SLC6A11: variants seen among roughly 807,000 people sequenced by gnomAD.
The protein encoded by SLC6A11 is sodium- and chloride-dependent GABA transporter 3.
A neutral mutation model predicts 74.8 loss-of-function variants in SLC6A11; 25 were observed. The ratio of observed to expected loss-of-function variants is 0.33; its 90% CI spans 0.24 to 0.47. The LOEUF (loss-of-function observed/expected upper bound fraction) is 0.47, where lower values mean the gene tolerates loss of function less well. SLC6A11 is among the 20% of genes least tolerant of loss of function. The probability of loss-of-function intolerance (pLI) is 1.00; values close to 1 mark genes in which losing one functional copy is unlikely to be tolerated. For synonymous variants in SLC6A11, 330 were observed against 330.2 expected, an observed-to-expected ratio of 1.00 and a Z score of 0.01; for missense variants, 574 against 837.0, an observed-to-expected ratio of 0.69 and a Z score of 3.88.
At chr3:10,831,426 G>C (rs1694295490) in intron 4 of SLC6A11, among the ~76,000 whole-genome samples, 1 of 152,132 alleles carries the variant, frequency 6.6e-6, no homozygotes, top group African/African-American at 2.4e-5. Flanking sequence ...TGCTAAAAAA[G>C]AATGAGGCAG....
At position 10,816,388 on chromosome 3, in the gene SLC6A11, C is replaced by G; in HGVS notation, c.123C>G (p.Val41=). The part of the protein sequence containing the change: ...GGAAPARHPR[V]KRDKAVHERG... ...CGGCGCCCGCGCGCCACCCGCGCGT[C>G]AAGCGCGACAAGGCGGTCCACGAGC... Residue 41 remains valine (V), a synonymous_variant, in exon 1 of 14, where the codon GTC becomes GTG. Transcript: ENST00000254488. This position sits in a 1 kb window ranked among gnomAD's most constrained non-coding sequence, Gnocchi z 4.2. The G allele has an allele frequency of 1.3e-6, 2 of 1,524,774 alleles. No homozygotes were observed. Among genetic ancestry groups the G allele is most frequent in the Non-Finnish European group, 1.8e-6 (2 of 1,137,624 alleles). The allele number at this position is 1,524,774 out of a possible 1,614,324, so 94.5% of individuals were successfully genotyped here.
At chr3:10,848,251 A>G (rs951910184) in intron 5 of SLC6A11, among the ~76,000 whole-genome samples, 1 of 152,218 alleles carries the variant, frequency 6.6e-6, no homozygotes, top group Middle Eastern at 3.2e-3. Flanking sequence ...TGTGGGGACT[A>G]TGGCGATTTT....
intron 1 of SLC6A11, among the ~76,000 whole-genome samples, chr3:10,817,686 G>A (rs760007301): frequency 5.3e-5 from 8 of 152,240 alleles, no homozygotes; most frequent in Non-Finnish European, 1.0e-4. Context: ...GCGAGCAGCT[G>A]CCGGGAGAGG....
At chr3:10,832,910 G>T (rs1383326266) in intron 4 of SLC6A11, among the ~76,000 whole-genome samples, 1 of 152,158 alleles carries the variant, frequency 6.6e-6, no homozygotes, top group Non-Finnish European at 1.5e-5. Context: ...ACAGGATTTG[G>T]GTTTCCAAGC....
At chr3:10,937,678 G>T (rs972371692) in intron 13 of SLC6A11, among the ~76,000 whole-genome samples, 2 of 152,240 alleles carry the variant, frequency 1.3e-5, no homozygotes, top group Non-Finnish European at 2.9e-5. Context: ...CAGCCAGCTG[G>T]TGCGGGCTGC....
chr3:10,845,891 C>T (rs1264176350), intron 5 of SLC6A11, among the ~76,000 whole-genome samples: 1 of 152,192 alleles, frequency 6.6e-6, no homozygotes, highest in Non-Finnish European at 1.5e-5. Context: ...CACAGTCTCC[C>T]ATCCTCCTCC....
In SLC6A11 at chr3:10,834,418, C is replaced by T. The variant is rs560572852; in HGVS notation, c.624-9796C>T. Among the ~76,000 whole-genome samples the T allele has an allele frequency of 1.6e-3, 236 of 149,994 alleles. 1 individual carries two copies. The highest frequency in any genetic ancestry group is 7.0e-3 in the Middle Eastern group (2 of 286). On this transcript the variant is annotated intron_variant, in intron 4 of 13. Transcript: ENST00000254488. ...AGGGAGGAAGGGATGAAGGAAGAAA[C>T]TCATGAGAAATGGCTTCACAGAAGC...
chr3:10,873,915 A>G (rs1482961602), intron 5 of SLC6A11, among the ~76,000 whole-genome samples: 1 of 152,166 alleles, frequency 6.6e-6, no homozygotes, highest in East Asian at 1.9e-4. Flanking sequence ...ATGCTATGCT[A>G]TGCTACACTA....
At chr3:10,833,663 A>G (rs756315521) in intron 4 of SLC6A11, among the ~76,000 whole-genome samples, 38 of 152,132 alleles carry the variant, frequency 2.5e-4, no homozygotes, top group African/African-American at 4.3e-4. Context: ...TGCTGCTTCC[A>G]CTTGTTAGTC....
intron 7 of SLC6A11, among the ~76,000 whole-genome samples, chr3:10,913,633 G>A (rs1695415878): frequency 6.6e-6 from 1 of 152,158 alleles, no homozygotes. Flanking sequence ...AATATATAAA[G>A]AATACAAACA....
At chr3:10,836,172 C>T (rs73113881) in intron 4 of SLC6A11, among the ~76,000 whole-genome samples, 2,253 of 152,264 alleles carry the variant, frequency 0.015, 51 homozygotes, top group African/African-American at 0.051. Context: ...TAAGCTTTAT[C>T]TATGTTGTAG....
At chr3:10,865,066 C>T (rs1305305141) in intron 5 of SLC6A11, among the ~76,000 whole-genome samples, 1 of 152,188 alleles carries the variant, frequency 6.6e-6, no homozygotes, top group Non-Finnish European at 1.5e-5. Context: ...TGTTCTCTGC[C>T]AGCCAAGGCC....
At chr3:10,865,998 G>A (rs953759198) in intron 5 of SLC6A11, among the ~76,000 whole-genome samples, 2 of 152,208 alleles carry the variant, frequency 1.3e-5, no homozygotes, top group East Asian at 3.9e-4. Flanking sequence ...TAGCTTCCAT[G>A]TTTGACTCCT....
At chr3:10,843,530 A>G (rs930208593) in intron 4 of SLC6A11, among the ~76,000 whole-genome samples, 1 of 152,116 alleles carries the variant, frequency 6.6e-6, no homozygotes, top group Non-Finnish European at 1.5e-5. Flanking sequence ...TCTTCCAGGA[A>G]GCTCTCCCTG....
intron 10 of SLC6A11, 123 bp downstream of exon 10, chr3:10,929,462 T>G (rs1428077095): frequency 5.9e-6 from 6 of 1,021,492 alleles, no homozygotes; most frequent in Non-Finnish European, 8.8e-6. Context: ...CGGTTTATGC[T>G]TCCTCCTAGC....
At chr3:10,896,574 G>A (rs929382292) in intron 6 of SLC6A11, among the ~76,000 whole-genome samples, 6 of 152,176 alleles carry the variant, frequency 3.9e-5, no homozygotes, top group Admixed American at 2.6e-4. Flanking sequence ...CTCTTGACCC[G>A]TGGAAAACTT....
chr3:10,908,668 A>C (rs979167374), intron 6 of SLC6A11, among the ~76,000 whole-genome samples: 2 of 152,046 alleles, frequency 1.3e-5, no homozygotes, highest in Non-Finnish European at 2.9e-5. Context: ...TGTTTTGTGA[A>C]TGTTTTATCT....
intron 8 of SLC6A11, among the ~76,000 whole-genome samples, chr3:10,920,846 C>T (rs1695528101): frequency 6.6e-6 from 1 of 152,212 alleles, no homozygotes; most frequent in Non-Finnish European, 1.5e-5. Context: ...TGGCATCAAG[C>T]AGGAAAACCT....
At chr3:10,890,936 T>A (rs1330246376) in intron 6 of SLC6A11, among the ~76,000 whole-genome samples, 1 of 152,230 alleles carries the variant, frequency 6.6e-6, no homozygotes, top group Non-Finnish European at 1.5e-5. Context: ...GCAAGAGCAG[T>A]GTGTAATCAT....
Sources: gnomAD v4.1 joint callset for allele counts (sites outside exome capture counted in the v4.1 genomes callset) on GRCh38, gnomAD v4.1.1 for gene constraint, Gnocchi (gnomAD v3.1) non-coding constraint, MANE v1.5 for transcripts, NCBI Gene and HGNC (gene_info 2026-07-23, HGNC 2026-07-21) for gene names.